The following DOP1A variants were observed in gnomAD, a reference collection of about 807,000 sequenced individuals.
DOP1A encodes the protein protein DOP1A.
DOP1A carries 90 observed loss-of-function variants against 267.6 expected under a neutral mutation model. The ratio of observed to expected loss-of-function variants is 0.34; its 90% CI spans 0.28 to 0.40. The LOEUF is 0.40. Among genes scored for constraint, DOP1A ranks in the 10% least tolerant of loss-of-function variants. DOP1A has a pLI of 1.00. For missense variants in DOP1A, 2,437 were observed against 2,900.4 expected (o/e 0.84, Z 3.67); for synonymous variants, 932 against 999.1 (o/e 0.93, Z 1.27).
intron 27 of DOP1A, among the ~76,000 whole-genome samples, chr6:83,150,630 A>G (rs1016038755): frequency 7.2e-5 from 11 of 152,202 alleles, no homozygotes; most frequent in Non-Finnish European, 1.3e-4. Context: ...TTCATTTTAC[A>G]TATTAGTTTG....
chr6:83,125,067 G>A (rs1017463352), intron 13 of DOP1A, 99 bp from the exon 14 acceptor site: 20 of 1,129,254 alleles, frequency 1.8e-5, no homozygotes, highest in Non-Finnish European at 2.3e-5. Context: ...GTGGTCTAAT[G>A]CTGCATTTAT....
intron 27 of DOP1A, 41 bp downstream of exon 27, chr6:83,148,904 A>G (rs1171265346): frequency 4.0e-6 from 5 of 1,237,520 alleles, no homozygotes; most frequent in Non-Finnish European, 5.5e-6. Flanking sequence ...TAAAAGGATA[A>G]TGTTAATTGT....
At chr6:83,084,587 G>C (rs1180507388) in intron 1 of DOP1A, among the ~76,000 whole-genome samples, 6 of 151,696 alleles carry the variant, frequency 4.0e-5, no homozygotes, top group Non-Finnish European at 7.4e-5. Flanking sequence ...TTTTTGTTTT[G>C]TTTTGTTTTT....
In DOP1A at chr6:83,137,962, A is replaced by C. The variant is rs771753855; in HGVS notation, c.3920A>C (p.Asp1307Ala). The change falls in exon 21 of 39, where the codon GAT becomes GCT. Residue 1307 changes from aspartate (D) to alanine (A), a missense_variant. This residue lies in a region of DOP1A where 878 missense variants were observed against 992.9 expected (regional missense o/e 0.88). Coordinates refer to ENST00000349129, the MANE Select transcript of DOP1A (RefSeq NM_015018.4). ...AAAGTAAAACTTGCCAGAAAAAAGG[A>C]TGATGACAAGAAAAAATCTTCAAAT... ...KPKVKLARKK[D>A]DDKKKSSNEK... The C allele has an allele frequency of 6.2e-7, 1 of 1,605,746 alleles. No homozygotes were observed. The highest frequency in any genetic ancestry group is 1.7e-5 in the Admixed American group (1 of 58,038).
At chr6:83,094,494 G>A (rs1183481578) in intron 1 of DOP1A, among the ~76,000 whole-genome samples, 2 of 152,154 alleles carry the variant, frequency 1.3e-5, no homozygotes, top group East Asian at 3.9e-4. Context: ...TTTTCCAGAG[G>A]AGCTACGCCA....
chr6:83,157,134 T>C (rs1159249821), intron 34 of DOP1A, 48 bp from the exon 35 acceptor site: 2 of 1,584,154 alleles, frequency 1.3e-6, no homozygotes, highest in East Asian at 2.2e-5. Context: ...GAAAGTTTTA[T>C]GTGATAAAGA....
chr6:83,146,884 A>G (rs2128304073), intron 25 of DOP1A, among the ~76,000 whole-genome samples: 1 of 152,296 alleles, frequency 6.6e-6, no homozygotes, highest in Admixed American at 6.5e-5. Context: ...AAAAATCTCA[A>G]CCTCATTCTG....
intron 38 of DOP1A, chr6:83,166,586 A>G: frequency 1.5e-6 from 1 of 652,184 alleles, no homozygotes. Context: ...TATGCTTAAA[A>G]TGATGTATAA....
intron 12 of DOP1A, 64 bp from the exon 13 acceptor site, chr6:83,124,641 A>G: frequency 1.7e-6 from 2 of 1,146,102 alleles, no homozygotes; most frequent in East Asian, 2.4e-5. Flanking sequence ...AAGGATGATG[A>G]TGCTGTCACA....
At chr6:83,097,142 AAGG>A (rs755456919) in intron 3 of DOP1A, 27 bp downstream of exon 3, 1 of 1,597,030 alleles carries the variant, frequency 6.3e-7, no homozygotes, top group Non-Finnish European at 8.5e-7. Context: ...CATTTCATAA[AAGG>A]AGTAAAAATT....
chr6:83,074,174 A>G (rs1176899202), intron 1 of DOP1A, among the ~76,000 whole-genome samples: 1 of 152,208 alleles, frequency 6.6e-6, no homozygotes, highest in Non-Finnish European at 1.5e-5. Flanking sequence ...CTTAAAATGC[A>G]CTTGAAAATT....
chr6:83,140,509 C>A, intron 23 of DOP1A, 106 bp downstream of exon 23: 3 of 918,444 alleles, frequency 3.3e-6, no homozygotes, highest in Non-Finnish European at 4.7e-6. Flanking sequence ...CAGGACTCTG[C>A]TAATTATCAA....
At chr6:83,078,914 ATAT>A (rs1434402328) in intron 1 of DOP1A, among the ~76,000 whole-genome samples, 1 of 152,168 alleles carries the variant, frequency 6.6e-6, no homozygotes, top group Non-Finnish European at 1.5e-5. Flanking sequence ...AGCATTATTA[ATAT>A]TGTTGTTTTG....
intron 18 of DOP1A, among the ~76,000 whole-genome samples, chr6:83,132,676 G>A (rs994619927): frequency 9.2e-5 from 14 of 151,840 alleles, no homozygotes; most frequent in African/African-American, 3.1e-4. Context: ...TGGAACTTAC[G>A]GATTTATTAA....
At position 83,129,350 on chromosome 6, in the gene DOP1A, A is replaced by G. The variant is rs370284003; in HGVS notation, c.2183A>G (p.Asp728Gly). 2.9e-5 allele frequency: 47 copies of G among 1,606,900 alleles called. No individual in the cohort carries two copies. Among genetic ancestry groups the G allele is most frequent in the Non-Finnish European group, 3.7e-5 (43 of 1,178,054 alleles). Reference sequence around the variant, plus strand: ...AAATGGGACAGAAATTCACAAGGAGATGTAAAAGAGAAAAACATAAGTAAA... The same window carrying G: ...AAATGGGACAGAAATTCACAAGGAGGTGTAAAAGAGAAAAACATAAGTAAA... ...TSKWDRNSQG[D>G]VKEKNISKQK... The change falls in exon 16 of 39, where the codon GAT (aspartate) becomes GGT (glycine). Residue 728 changes from aspartate (D) to glycine (G), a missense_variant. Physicochemically the swap from Asp to Gly is moderately conservative, Grantham distance 94. Coordinates refer to ENST00000349129, the MANE Select transcript of DOP1A (RefSeq NM_015018.4).
chr6:83,170,355 G>A (rs1285899855), downstream of DOP1A: 1 of 1,614,106 alleles, frequency 6.2e-7, no homozygotes, highest in Non-Finnish European at 8.5e-7. Flanking sequence ...GTACCAGAGG[G>A]CCGGACAAAA....
chr6:83,132,475 C>A, intron 18 of DOP1A, 147 bp downstream of exon 18: 3 of 875,356 alleles, frequency 3.4e-6, no homozygotes, highest in Non-Finnish European at 1.6e-6. Flanking sequence ...ATCTTAATAT[C>A]TTTAAAATAA....
intron 7 of DOP1A, among the ~76,000 whole-genome samples, chr6:83,115,552 C>G (rs944945292): frequency 6.6e-6 from 1 of 152,102 alleles, no homozygotes; most frequent in African/African-American, 2.4e-5. Context: ...GAAACCCCGT[C>G]TCTACTAAAA....
At position 83,096,938 on chromosome 6, in the gene DOP1A, A is replaced by T; in HGVS notation, c.-40A>T. On this transcript the variant is annotated 5_prime_UTR_variant, in exon 3 of 39. It removes an upstream start codon present in the reference 5' UTR. Coordinates refer to ENST00000349129, the MANE Select transcript of DOP1A (RefSeq NM_015018.4). ...ACTCTTTTGTAGGTAATGACTTTACATGAGTTTGGAACTGGTCTCTAGTGG... is the reference window on the plus strand; with the variant it reads ...ACTCTTTTGTAGGTAATGACTTTACTTGAGTTTGGAACTGGTCTCTAGTGG... The T allele has an allele frequency of 6.2e-7, 1 of 1,602,486 alleles. No homozygotes were observed. Among genetic ancestry groups the T allele is most frequent in the Non-Finnish European group, 8.5e-7 (1 of 1,175,588 alleles).
Sources: allele counts gnomAD v4.1 joint callset (sites outside exome capture counted in the v4.1 genomes callset), GRCh38; gene constraint gnomAD v4.1.1; regional missense constraint gnomAD v4.1.1; transcripts MANE v1.5; gene names NCBI Gene and HGNC (gene_info 2026-07-23, HGNC 2026-07-21).